Variants in CHSY1 observed in about 807,000 individuals in gnomAD.
CHSY1 encodes chondroitin sulfate synthase 1.
A neutral mutation model predicts 59.8 loss-of-function variants in CHSY1; 13 were observed. That is an observed-to-expected ratio of 0.22 (90% CI 0.14 to 0.35). The LOEUF (loss-of-function observed/expected upper bound fraction) is 0.35, where lower values mean the gene tolerates loss of function less well. Among genes scored for constraint, CHSY1 ranks in the 10% least tolerant of loss-of-function variants. CHSY1 has a pLI of 1.00. For synonymous variants in CHSY1, 459 were observed against 401.2 expected (o/e 1.14, Z -1.72); for missense variants, 947 against 1,030.6 (o/e 0.92, Z 1.11).
intron 2 of CHSY1, among the ~76,000 whole-genome samples, chr15:101,220,047 C>T (rs1296906061): frequency 6.6e-6 from 1 of 152,206 alleles, no homozygotes; most frequent in Non-Finnish European, 1.5e-5. Flanking sequence ...AGCCACTGTG[C>T]CCAGCCTAGG....
At chr15:101,229,492 G>A (rs773965981) in intron 2 of CHSY1, among the ~76,000 whole-genome samples, 2 of 152,168 alleles carry the variant, frequency 1.3e-5, no homozygotes, top group Admixed American at 6.5e-5. Context: ...TGATAAAAGT[G>A]TCTATCCATC....
At chr15:101,212,192 G>C (rs915763510) in intron 2 of CHSY1, among the ~76,000 whole-genome samples, 6 of 152,168 alleles carry the variant, frequency 3.9e-5, no homozygotes, top group Non-Finnish European at 5.9e-5. Flanking sequence ...GAAATAACCA[G>C]AACTCTCATA....
intron 2 of CHSY1, among the ~76,000 whole-genome samples, chr15:101,234,345 G>A (rs1003147140): frequency 2.6e-5 from 4 of 152,102 alleles, no homozygotes; most frequent in African/African-American, 9.7e-5. Flanking sequence ...TTCAAAACAC[G>A]TTAAGTTTCT....
In CHSY1 at chr15:101,235,292, G is replaced by T; in HGVS notation, c.606C>A (p.Gly202=). The change falls in exon 2 of 3, where the codon GGC becomes GGA. Residue 202 remains glycine, a synonymous_variant. Coordinates refer to ENST00000254190, the MANE Select transcript of CHSY1 (RefSeq NM_014918.5). ...CCAGTTTTCCCATTTCTTCCGTGGT[G>T]CCCAGGCCTGTCTGCCCAAGAAAGA... ...EPLFLGQTGL[G]TTEEMGKLAL... is the part of the protein sequence containing the mutation. The T allele has an allele frequency of 6.2e-7, 1 of 1,614,184 alleles. No individual in the cohort carries two copies. Among genetic ancestry groups the T allele is most frequent in the Non-Finnish European group, 8.5e-7 (1 of 1,180,032 alleles).
chr15:101,190,447 G>A (rs923565236), intron 2 of CHSY1, among the ~76,000 whole-genome samples: 10 of 152,184 alleles, frequency 6.6e-5, no homozygotes, highest in Non-Finnish European at 1.0e-4. Context: ...AAGATGAAAC[G>A]AGACACAGAC....
At chr15:101,207,206 C>T (rs2038635774) in intron 2 of CHSY1, among the ~76,000 whole-genome samples, 1 of 152,298 alleles carries the variant, frequency 6.6e-6, no homozygotes, top group South Asian at 2.1e-4. Context: ...AAATAAGCCA[C>T]TCACTATCCA....
intron 2 of CHSY1, among the ~76,000 whole-genome samples, chr15:101,221,720 T>C (rs538654170): frequency 1.3e-5 from 2 of 152,318 alleles, no homozygotes; most frequent in South Asian, 4.1e-4. Flanking sequence ...GTTGTGTCTT[T>C]AAAACCAGTG....
intron 2 of CHSY1, among the ~76,000 whole-genome samples, chr15:101,186,373 A>G (rs1004053318): frequency 1.3e-5 from 2 of 152,108 alleles, no homozygotes; most frequent in Non-Finnish European, 2.9e-5. Flanking sequence ...TCACATGACT[A>G]AATTGCAATT....
intron 1 of CHSY1, among the ~76,000 whole-genome samples, chr15:101,241,799 T>C (rs1346856413): frequency 6.6e-6 from 1 of 152,188 alleles, no homozygotes; most frequent in Non-Finnish European, 1.5e-5. Context: ...TCTGTAGAAC[T>C]GATGGATAAT....
chr15:101,234,046 G>C (rs1187943411), intron 2 of CHSY1, among the ~76,000 whole-genome samples: 2 of 152,084 alleles, frequency 1.3e-5, no homozygotes, highest in Non-Finnish European at 2.9e-5. Context: ...CCATTAACTG[G>C]TATCAGATTG....
chr15:101,222,855 T>C (rs1189466114), intron 2 of CHSY1, among the ~76,000 whole-genome samples: 2 of 152,158 alleles, frequency 1.3e-5, no homozygotes, highest in African/African-American at 4.8e-5. Context: ...CAGATTCCTA[T>C]TCTCCACTCC....
intron 2 of CHSY1, among the ~76,000 whole-genome samples, chr15:101,205,287 C>G (rs1037313849): frequency 9.9e-5 from 15 of 152,016 alleles, no homozygotes; most frequent in African/African-American, 3.4e-4. Flanking sequence ...TTATTATAAC[C>G]AATAATTTCC....
At chr15:101,205,689 C>T (rs916944521) in intron 2 of CHSY1, among the ~76,000 whole-genome samples, 17 of 152,206 alleles carry the variant, frequency 1.1e-4, no homozygotes, top group Non-Finnish European at 2.4e-4. Flanking sequence ...TGGTGGCTCA[C>T]ACCTGTAATC....
In CHSY1 at chr15:101,235,479, T is replaced by C. The variant is rs376691136; in HGVS notation, c.419A>G (p.Asp140Gly). 6.2e-7 allele frequency: 1 copy of C among 1,614,042 alleles called. No individual in the cohort carries two copies. The highest frequency in any genetic ancestry group is 8.5e-7 in the Non-Finnish European group (1 of 1,180,036). The change falls in exon 2 of 3, where the codon GAC (aspartate) becomes GGC (glycine). Residue 140 changes from aspartate (D) to glycine (G), a missense_variant. Asp to Gly is a moderately conservative substitution (Grantham distance 94). Around this residue, in one of 4 missense-constraint regions of CHSY1, gnomAD observed 108 missense variants for 144.4 expected, o/e 0.75. Transcript: ENST00000254190. ...PIPVVPLRGV[D>G]DSYPPQKKSF... is the part of the protein sequence containing the mutation. ...CTTCTTCTGGGGCGGGTAGGAGTCG[T>C]CCACACCCCGTAGTGGCACTACTGG...
rs143801201 is a variant in CHSY1, at chr15:101,208,576, G to A, written c.816+26506C>T. Among the ~76,000 whole-genome samples the A allele has an allele frequency of 7.0e-3, 1,061 of 152,202 alleles. 7 individuals carry two copies. Among genetic ancestry groups the A allele is most frequent in the South Asian group, 0.027 (129 of 4,820 alleles). On this transcript the variant is annotated intron_variant, in intron 2 of 2. Transcript: ENST00000254190. ...AAAAATACAAAAATTAGCCAGGTAT[G>A]GTGGCGGACGCCTGTAATACCAACT... is the stretch of plus-strand genomic sequence containing the variant.
intron 2 of CHSY1, among the ~76,000 whole-genome samples, chr15:101,215,048 GC>G (rs1567098516): frequency 6.6e-6 from 1 of 152,082 alleles, no homozygotes; most frequent in Non-Finnish European, 1.5e-5. Flanking sequence ...GAGACACCTC[GC>G]CCCCACTTTG....
At chr15:101,243,730 C>T (rs903488792) in intron 1 of CHSY1, among the ~76,000 whole-genome samples, 6 of 152,256 alleles carry the variant, frequency 3.9e-5, no homozygotes, top group Admixed American at 2.6e-4. Context: ...CTGGACAAAA[C>T]CTGCCGGTCA....
intron 2 of CHSY1, chr15:101,186,845 A>G (rs2038376304): frequency 6.6e-6 from 1 of 152,282 alleles, no homozygotes; most frequent in Non-Finnish European, 1.5e-5. Flanking sequence ...AAAACAGACA[A>G]AAAACACAAA....
At chr15:101,206,767 G>T (rs969398240) in intron 2 of CHSY1, among the ~76,000 whole-genome samples, 1 of 152,202 alleles carries the variant, frequency 6.6e-6, no homozygotes, top group Non-Finnish European at 1.5e-5. Flanking sequence ...GGCAGAGAGA[G>T]TGAACAAATA....
Sources: allele counts gnomAD v4.1 joint callset (sites outside exome capture counted in the v4.1 genomes callset), GRCh38; gene constraint gnomAD v4.1.1; regional missense constraint gnomAD v4.1.1; transcripts MANE v1.5; gene names NCBI Gene and HGNC (gene_info 2026-07-23, HGNC 2026-07-21).